The following COL11A2 variants were observed in gnomAD, a reference collection of about 807,000 sequenced individuals.
COL11A2 encodes collagen alpha-2(XI) chain.
A neutral mutation model predicts 273.4 loss-of-function variants in COL11A2; 116 were observed. That is an observed-to-expected ratio of 0.42 (90% confidence interval 0.36 to 0.49). The LOEUF is 0.49. Ranked by LOEUF, COL11A2 falls within the 20% of genes least tolerant of loss-of-function variation. The probability of loss-of-function intolerance (pLI) is 0.00; values close to 1 mark genes in which losing one functional copy is unlikely to be tolerated. For synonymous variants in COL11A2, 782 were observed against 864.2 expected, an observed-to-expected ratio of 0.90 and a Z score of 1.67; for missense variants, 1,866 against 2,309.0, an observed-to-expected ratio of 0.81 and a Z score of 3.93.
intron 5 of COL11A2, 39 bp downstream of exon 5, chr6:33,186,588 G>A (rs1772448408): frequency 6.2e-7 from 1 of 1,614,036 alleles, no homozygotes; most frequent in African/African-American, 1.3e-5. Flanking sequence ...TTCCCTCTCT[G>A]GGGTGTGCTG....
In COL11A2 at chr6:33,189,068, CGGCCCAGCTCCA is replaced by C. The variant is rs1562389182; in HGVS notation, c.341_352del (p.Leu114_Gly117del). On this transcript the variant is annotated inframe_deletion, in exon 3 of 66. Coordinates refer to ENST00000341947, the MANE Select transcript of COL11A2 (RefSeq NM_080680.3). The surrounding 1 kb of genome is among the most constrained non-coding windows in gnomAD (Gnocchi z 5.6). ...GTCTTCATACAGGAAGCGGACAGGTCGGCCCAGCTCCAGGCCCAGCTGTCGGACACCCTGGGC... is the reference window on the plus strand; with the variant it reads ...GTCTTCATACAGGAAGCGGACAGGTCGGCCCAGCTGTCGGACACCCTGGGC... The C allele has an allele frequency of 6.2e-7, 1 of 1,614,162 alleles. No homozygotes were observed. The highest frequency in any genetic ancestry group is 1.7e-5 in the Admixed American group (1 of 60,026).
chr6:33,180,796 C>G, intron 10 of COL11A2, 66 bp from the exon 11 acceptor site: 1 of 1,582,234 alleles, frequency 6.3e-7, no homozygotes, highest in South Asian at 1.1e-5. Flanking sequence ...CAGCCTGTGG[C>G]TGAGGAGTGG....
rs577029196 is a variant in COL11A2, at chr6:33,188,246, A to C, written c.606+116T>G. The C allele has an allele frequency of 3.0e-4, 381 of 1,273,072 alleles. 3 individuals are homozygous for C. The South Asian group carries it at 4.2e-3, about 14-fold the overall frequency. The allele number at this position is 1,273,072 out of a possible 1,614,324, so 78.9% of individuals were successfully genotyped here. A position where few individuals can be genotyped will look rare whatever the true frequency, so the allele number is the denominator to read the frequency against. ...AGATAGAAAATAGAAATGAAAATTC[A>C]TAAGAAAAAAAAATGAAGGCCTAGG... On this transcript the variant is annotated intron_variant, in intron 4 of 65. Transcript: ENST00000341947.
chr6:33,192,566 C>T (rs985643973), upstream of COL11A2: 1 of 483,810 alleles, frequency 2.1e-6, no homozygotes, highest in Admixed American at 3.6e-5. Flanking sequence ...AAGGGAAACC[C>T]CACCCTCAGT....
In COL11A2 at chr6:33,189,418, T is replaced by C; in HGVS notation, c.134A>G (p.Asp45Gly). Residue 45 changes from aspartate to glycine, a missense_variant, in exon 2 of 66, where the codon GAT becomes GGT. Coordinates refer to ENST00000341947, the MANE Select transcript of COL11A2 (RefSeq NM_080680.3). The surrounding 1 kb of genome is among the most constrained non-coding windows in gnomAD (Gnocchi z 5.6). The stretch of plus-strand genomic sequence containing the variant: ...GATGCCTTTCGCTCTCCGGACACCA[T>C]CAGGGAGGGAGGGGAACCTCAGGGC... ...LRALRFPSLP[D>G]GVRRAKGICP... The C allele has an allele frequency of 6.2e-7, 1 of 1,612,956 alleles. No homozygotes were observed. The highest frequency in any genetic ancestry group is 8.5e-7 in the Non-Finnish European group (1 of 1,179,984).
In COL11A2 at chr6:33,190,136, A is replaced by G. The variant is rs550769097; in HGVS notation, c.83-667T>C. Among the ~76,000 whole-genome samples the G allele has an allele frequency of 1.3e-5, 2 of 152,216 alleles. No individual in the cohort carries two copies. The highest frequency in any genetic ancestry group is 2.1e-4 in the South Asian group (1 of 4,816). The stretch of plus-strand genomic sequence containing the variant: ...GGAACAACCCTGAGCATGCTGAGGA[A>G]AAAGATACAAGAAAGCTCTCCCAGG... On this transcript the variant is annotated intron_variant, in intron 1 of 65. Coordinates refer to ENST00000341947, the MANE Select transcript of COL11A2 (RefSeq NM_080680.3). The surrounding 1 kb of genome is among the most constrained non-coding windows in gnomAD (Gnocchi z 4.5).
chr6:33,180,761 G>T (rs1338287713), intron 10 of COL11A2, 31 bp from the exon 11 acceptor site: 4 of 1,606,806 alleles, frequency 2.5e-6, no homozygotes, highest in Non-Finnish European at 3.4e-6. Context: ...GGTCAGGTGT[G>T]GGCATTCAGA....
At position 33,166,543 on chromosome 6, in the gene COL11A2, G is replaced by A; in HGVS notation, c.4362C>T (p.Pro1454=). ...GGCCGGGGGGACCTCCAGGACCAAT[G>A]GGGCCGGATGCTCCTGGGATACCCT... ...GEMGIPGASG[P]IGPGGPPGLP... is the part of the protein sequence containing the mutation. Residue 1454 remains proline (P), a synonymous_variant, in exon 60 of 66, where the codon CCC becomes CCT. Transcript: ENST00000341947. The surrounding 1 kb of genome is among the most constrained non-coding windows in gnomAD (Gnocchi z 4.8). The A allele has an allele frequency of 1.2e-6, 2 of 1,613,834 alleles. No homozygotes were observed. The highest frequency in any genetic ancestry group is 1.7e-6 in the Non-Finnish European group (2 of 1,179,842).
chr6:33,180,922 T>C, intron 10 of COL11A2, 42 bp downstream of exon 10: 1 of 1,611,444 alleles, frequency 6.2e-7, no homozygotes, highest in Non-Finnish European at 8.5e-7. Flanking sequence ...ATAGAAGGGG[T>C]TTCTAAGAAA....
intron 7 of COL11A2, 83 bp from the exon 8 acceptor site, chr6:33,184,407 A>G (rs2150602134): frequency 1.0e-6 from 1 of 995,118 alleles, no homozygotes; most frequent in Non-Finnish European, 1.4e-6. Context: ...GGGTGTGACA[A>G]CTTCTAGCCC....
chr6:33,172,230 G>A lies in COL11A2; in HGVS notation c.2988+59C>T. On this transcript the variant is annotated intron_variant, in intron 40 of 65. Transcript: ENST00000341947. ...TGGAGGGGGTCAGGGACAGGGTCGG[G>A]GTGGGGACTCAGGATGCTTGGTGCT... is the stretch of plus-strand genomic sequence containing the variant. 31 of 1,574,466 alleles carry A rather than the reference G, an allele frequency of 2.0e-5. No homozygotes were observed. In the Middle Eastern group the frequency reaches 5.0e-4, roughly 26 times the overall value.
rs755900887 is a variant in COL11A2, at chr6:33,179,319, G to A, written c.1504-35C>T. On this transcript the variant is annotated intron_variant, in intron 14 of 65. Transcript: ENST00000341947. The surrounding 1 kb of genome is among the most constrained non-coding windows in gnomAD (Gnocchi z 6.4). Reference sequence around the variant, plus strand: ...AGAAGAGAGGATGGCCGTAAGGAAGGACACAGCCAACAGTGGCCTCGGAGT... The same window carrying A: ...AGAAGAGAGGATGGCCGTAAGGAAGAACACAGCCAACAGTGGCCTCGGAGT... 6.2e-7 allele frequency: 1 copy of A among 1,600,660 alleles called. No homozygotes were observed. Among genetic ancestry groups the A allele is most frequent in the Non-Finnish European group, 8.5e-7 (1 of 1,174,744 alleles).
At chr6:33,175,990 G>A in intron 29 of COL11A2, 26 bp downstream of exon 29, 1 of 1,612,674 alleles carries the variant, frequency 6.2e-7, no homozygotes. Context: ...ACACGGAATT[G>A]GGGCCAGTGT....
At chr6:33,185,113 A>G in intron 6 of COL11A2, 59 bp from the exon 7 acceptor site, 1 of 1,305,796 alleles carries the variant, frequency 7.7e-7, no homozygotes, top group Non-Finnish European at 1.1e-6. Flanking sequence ...GAGAAAGGTT[A>G]GCAGAAGGGA....
intron 29 of COL11A2, 122 bp downstream of exon 29, chr6:33,175,894 A>G: frequency 7.6e-7 from 1 of 1,309,562 alleles, no homozygotes; most frequent in Non-Finnish European, 1.1e-6. Context: ...CAGGCTCCCA[A>G]GGGAACACAG....
At chr6:33,171,692 C>T (rs745661106) in intron 42 of COL11A2, 21 bp downstream of exon 42, 1 of 1,608,710 alleles carries the variant, frequency 6.2e-7, no homozygotes, top group Non-Finnish European at 8.5e-7. Context: ...CAGTACCCCT[C>T]CCCAATACCC....
In COL11A2 at chr6:33,173,306, G is replaced by C. The variant is rs1293476356; in HGVS notation, c.2736+42C>G. On this transcript the variant is annotated intron_variant, in intron 37 of 65. Coordinates refer to ENST00000341947, the MANE Select transcript of COL11A2 (RefSeq NM_080680.3). The surrounding 1 kb of genome is among the most constrained non-coding windows in gnomAD (Gnocchi z 6.3). ...AGACAGCTCTGGGGTTAAAGGGTCT[G>C]ATGGAGCCCCCTGAGAATGGGTAGC... The C allele has an allele frequency of 6.2e-7, 1 of 1,607,614 alleles. No individual in the cohort carries two copies. The highest frequency in any genetic ancestry group is 1.1e-5 in the South Asian group (1 of 90,878).
chr6:33,191,522 A>C (rs115831888), intron 1 of COL11A2, among the ~76,000 whole-genome samples: 2,957 of 152,318 alleles, frequency 0.019, 57 homozygotes, highest in Middle Eastern at 0.058. Context: ...AGGAGGGGCT[A>C]GGCAGGAATG....
chr6:33,173,604 T>C lies in COL11A2; in HGVS notation c.2629-49A>G, dbSNP rs1210967435. On this transcript the variant is annotated intron_variant, in intron 35 of 65. Coordinates refer to ENST00000341947, the MANE Select transcript of COL11A2 (RefSeq NM_080680.3). The surrounding 1 kb of genome is among the most constrained non-coding windows in gnomAD (Gnocchi z 6.3). ...CAGGAGAATGGGGGCAGGGGCTGAG[T>C]GGGGGAACTCAGCTTCCTTCCTGGG... The C allele has an allele frequency of 2.7e-6, 2 of 731,290 alleles. No homozygotes were observed. Among genetic ancestry groups the C allele is most frequent in the Admixed American group, 2.3e-5 (1 of 43,716 alleles). 45.3% of individuals were successfully genotyped at this position (731,290 alleles called of 1,614,324 possible).
Sources: allele counts gnomAD v4.1 joint callset (sites outside exome capture counted in the v4.1 genomes callset), GRCh38; gene constraint gnomAD v4.1.1; non-coding constraint Gnocchi (gnomAD v3.1); transcripts MANE v1.5; gene names NCBI Gene and HGNC (gene_info 2026-07-23, HGNC 2026-07-21).